The following NME2 variants were observed in gnomAD, a reference collection of about 807,000 sequenced individuals.
The protein encoded by NME2 is NME/NM23 nucleoside diphosphate kinase 2, also known as nucleoside diphosphate kinase B.
In NME2, 18 loss-of-function variants were observed where a neutral mutation model predicts 17.8. That is an observed-to-expected ratio of 1.01 (90% CI 0.70 to 1.50). The LOEUF is 1.50. Ranked by LOEUF, NME2 falls within the 40% of genes most tolerant of loss-of-function variation. The pLI is 0.00. For missense variants in NME2, 161 were observed against 195.6 expected, an observed-to-expected ratio of 0.82 and a Z score of 1.05; for synonymous variants, 74 against 71.4, an observed-to-expected ratio of 1.04 and a Z score of -0.19.
Position 51,171,538 on chromosome 17 carries a change from C to G in NME2, c.393C>G (p.Ser131Arg). The G allele has an allele frequency of 6.2e-7, 1 of 1,613,806 alleles. No homozygotes were observed. The highest frequency in any genetic ancestry group is 1.1e-5 in the South Asian group (1 of 91,064). ...TAAAAAGTGCTGAAAAAGAAATCAG[C>G]CTATGGTTTAAGCCTGAAGAACTGG... is the stretch of plus-strand genomic sequence containing the variant. ...DSVKSAEKEISLWFKPEELVD... is the reference protein window; with the variant it reads ...DSVKSAEKEIRLWFKPEELVD... The change falls in exon 5 of 5, where the codon AGC becomes AGG. Residue 131 changes from serine (S) to arginine (R), a missense_variant. By Grantham distance (110) the Ser-to-Arg change is moderately radical. Coordinates refer to ENST00000512737, the MANE Select transcript of NME2 (RefSeq NM_002512.4).
rs182902768 is a variant in NME2 at position 51,170,429 on chromosome 17, C to T, written c.341+380C>T. On this transcript the variant is annotated intron_variant, in intron 4 of 4. Transcript: ENST00000512737. ...TGCTGGGATTACAGACATGAGCCAC[C>T]GCACTTGGCCTGAACTTTTAGTTGG... Among the ~76,000 whole-genome samples, 75 of 152,024 alleles carry T rather than the reference C, an allele frequency of 4.9e-4. 2 individuals are homozygous for T. Among genetic ancestry groups the T allele is most frequent in the Admixed American group, 3.1e-3 (47 of 15,270 alleles).
At chr17:51,171,008 C>T (rs1194858644) in intron 4 of NME2, among the ~76,000 whole-genome samples, 1 of 152,084 alleles carries the variant, frequency 6.6e-6, no homozygotes, top group East Asian at 1.9e-4. Flanking sequence ...CTGTTCAAAA[C>T]CTTTACAAAG....
chr17:51,170,158 T>TC, intron 4 of NME2, 109 bp downstream of exon 4: 5 of 921,748 alleles, frequency 5.4e-6, no homozygotes, highest in Non-Finnish European at 7.8e-6. Flanking sequence ...TTTTTTTTTT[T>TC]TTCTTGAGAC....
At chr17:51,167,113 C>A in intron 2 of NME2, 157 bp downstream of exon 2, 1 of 1,477,498 alleles carries the variant, frequency 6.8e-7, no homozygotes, top group Non-Finnish European at 9.0e-7. Context: ...GGCCCGCCGA[C>A]CCTTTCCCGG....
intron 4 of NME2, 90 bp downstream of exon 4, chr17:51,170,139 G>GC: frequency 2.2e-6 from 2 of 906,352 alleles, no homozygotes; most frequent in Non-Finnish European, 3.1e-6. Flanking sequence ...AAGAATCTGT[G>GC]CCCTTTTTTT....
At position 51,166,815 on chromosome 17, in the gene NME2, C is replaced by T; in HGVS notation, c.-4-12C>T. On this transcript the variant is annotated splice_polypyrimidine_tract_variant and intron_variant, in intron 1 of 4. Transcript: ENST00000512737. ...CTGCGCCCGGGCCCTGACCGCACCT[C>T]TCGCCCCGCAGGACCATGGCCAACC... 1 of 1,606,440 alleles carries T rather than the reference C, an allele frequency of 6.2e-7. No individual in the cohort carries two copies. The highest frequency in any genetic ancestry group is 8.5e-7 in the Non-Finnish European group (1 of 1,176,892).
At chr17:51,166,755 G>A (rs2049947933) in intron 1 of NME2, 72 bp from the exon 2 acceptor site, 6 of 1,436,990 alleles carry the variant, frequency 4.2e-6, no homozygotes, top group Non-Finnish European at 4.5e-6. Flanking sequence ...AGGGACCGGC[G>A]GCGCCCACGT....
intron 3 of NME2, among the ~76,000 whole-genome samples, chr17:51,168,976 T>C (rs1369838318): frequency 1.3e-5 from 2 of 150,654 alleles, no homozygotes; most frequent in African/African-American, 4.9e-5. Context: ...AAAATAATAC[T>C]CAATTTCTTC....
chr17:51,171,458 T>C (rs1244745682), intron 4 of NME2, 29 bp from the exon 5 acceptor site: 6 of 1,603,646 alleles, frequency 3.7e-6, no homozygotes, highest in Non-Finnish European at 5.1e-6. Context: ...CTTTAAAACA[T>C]GGCAACTTGT....
Position 51,166,942 on chromosome 17 carries a change from A to C in NME2, c.112A>C (p.Met38Leu). The C allele has an allele frequency of 6.2e-7, 1 of 1,613,576 alleles. No individual in the cohort carries two copies. The highest frequency in any genetic ancestry group is 8.5e-7 in the Non-Finnish European group (1 of 1,179,832). Residue 38 changes from methionine to leucine, a missense_variant, in exon 2 of 5, where the codon ATG (methionine) becomes CTG (leucine). Physicochemically the swap from Met to Leu is conservative, Grantham distance 15. Coordinates refer to ENST00000512737, the MANE Select transcript of NME2 (RefSeq NM_002512.4). The stretch of plus-strand genomic sequence containing the variant: ...GCAGAAGGGATTCCGCCTCGTGGCC[A>C]TGAAGTTCCTCCGGGTAACTCGCCC... The part of the protein sequence containing the change: ...FEQKGFRLVA[M>L]KFLRASEEHL...
At chr17:51,168,375 G>A (rs1338428913) in intron 3 of NME2, 32 bp downstream of exon 3, 4 of 1,602,018 alleles carry the variant, frequency 2.5e-6, no homozygotes, top group Admixed American at 3.4e-5. Context: ...GAGAAAATGA[G>A]GAAAAAGTGC....
At chr17:51,167,179 T>G (rs1006662356) in intron 2 of NME2, 1 of 1,038,646 alleles carries the variant, frequency 9.6e-7, no homozygotes, top group Non-Finnish European at 1.3e-6. Flanking sequence ...TGACTCGCCC[T>G]CCGGGTTTGG....
intron 4 of NME2, 88 bp downstream of exon 4, chr17:51,170,137 G>C (rs1348767813): frequency 2.1e-6 from 2 of 939,782 alleles, no homozygotes; most frequent in Non-Finnish European, 3.0e-6. Flanking sequence ...AGAAGAATCT[G>C]TGCCCTTTTT....
At chr17:51,168,728 A>G (rs189454492) in intron 3 of NME2, among the ~76,000 whole-genome samples, 12 of 152,092 alleles carry the variant, frequency 7.9e-5, no homozygotes, top group Admixed American at 3.9e-4. Context: ...ATGGTTAAAT[A>G]GAATCTCACT....
chr17:51,168,125 A>G (rs762766593), intron 2 of NME2, 117 bp from the exon 3 acceptor site: 3 of 791,646 alleles, frequency 3.8e-6, no homozygotes, highest in Non-Finnish European at 6.2e-6. Context: ...ATATTTCCAC[A>G]CACCACTTAG....
chr17:51,167,001 G>T (rs1371423883), intron 2 of NME2, 45 bp downstream of exon 2: 2 of 1,609,394 alleles, frequency 1.2e-6, no homozygotes, highest in Admixed American at 1.7e-5. Flanking sequence ...CCGGCTCGCG[G>T]GTGTTTTTCC....
chr17:51,169,031 A>G (rs1033617580), intron 3 of NME2, among the ~76,000 whole-genome samples: 6 of 152,178 alleles, frequency 3.9e-5, no homozygotes, highest in African/African-American at 1.4e-4. Flanking sequence ...AGATTAAAAA[A>G]CTTTATCCTA....
chr17:51,166,290 C>CCCGGCTGGGCGTGGACACTGTTCT, upstream of NME2: 1 of 152,324 alleles, frequency 6.6e-6, no homozygotes, highest in Non-Finnish European at 1.5e-5. Flanking sequence ...GAGGGCGCGC[C>CCCGGCTGGGCGTGGACACTGTTCT]CCGGCTGGGC....
At chr17:51,169,420 A>G (rs2050018744) in intron 3 of NME2, 1 of 150,206 alleles carries the variant, frequency 6.7e-6, no homozygotes, top group Admixed American at 6.7e-5. Flanking sequence ...AGCCTGGGCA[A>G]CAGAACAAGA....
Sources: allele counts gnomAD v4.1 joint callset (sites outside exome capture counted in the v4.1 genomes callset), GRCh38; gene constraint gnomAD v4.1.1; transcripts MANE v1.5; gene names NCBI Gene and HGNC (gene_info 2026-07-23, HGNC 2026-07-21).